Variants in MYRFL observed in about 807,000 individuals in gnomAD.
The protein encoded by MYRFL is myelin regulatory factor like.
Under a neutral mutation model 109.4 loss-of-function variants are expected in MYRFL, and 88 were observed. That is an observed-to-expected ratio of 0.80 (90% confidence interval 0.68 to 0.96). The LOEUF is 0.96. Ranked by LOEUF, MYRFL falls within the 40% of genes least tolerant of loss-of-function variation. The pLI, the probability that MYRFL is intolerant of heterozygous loss-of-function variation, is 0.00. For missense variants in MYRFL, 957 were observed against 954.9 expected (o/e 1.00, Z -0.03); for synonymous variants, 324 against 320.9 (o/e 1.01, Z -0.10).
intron 1 of MYRFL, 52 bp downstream of exon 1, chr12:69,825,615 A>C (rs1203206881): frequency 4.3e-6 from 3 of 692,102 alleles, no homozygotes; most frequent in Non-Finnish European, 7.9e-6. Context: ...AATGCTCACT[A>C]TCCCTGTTTC....
At position 69,892,871 on chromosome 12, in the gene MYRFL, T is replaced by C. The variant is rs1566004101; in HGVS notation, c.904-893T>C. Among the ~76,000 whole-genome samples the C allele has an allele frequency of 2.0e-5, 3 of 152,358 alleles. No individual in the cohort carries two copies. The East Asian group carries it at 5.8e-4, about 29-fold the overall frequency. ...CTATTTTTTCTCTTTTCTTCTGTTA[T>C]TAAAATTAATCTCATATTGCTAGTA... On this transcript the variant is annotated intron_variant, in intron 7 of 24. Coordinates refer to ENST00000552032, the MANE Select transcript of MYRFL (RefSeq NM_182530.3).
At chr12:69,934,929 GC>G (rs1399002203) in intron 16 of MYRFL, among the ~76,000 whole-genome samples, 2 of 152,168 alleles carry the variant, frequency 1.3e-5, no homozygotes, top group African/African-American at 4.8e-5. Flanking sequence ...CTCACTCTGG[GC>G]TGTGGGTTTC....
At chr12:69,936,422 C>T in intron 18 of MYRFL, 31 bp from the exon 19 acceptor site, 1 of 1,530,160 alleles carries the variant, frequency 6.5e-7, no homozygotes, top group Non-Finnish European at 8.7e-7. Flanking sequence ...AACCTTCTTG[C>T]TTCCCCTCCC....
At chr12:69,943,294 T>C (rs1426728384) in intron 19 of MYRFL, among the ~76,000 whole-genome samples, 2 of 149,394 alleles carry the variant, frequency 1.3e-5, no homozygotes, top group African/African-American at 2.5e-5. Flanking sequence ...ACTACAAGGC[T>C]ACAGTAACCA....
At chr12:69,890,934 A>G (rs935744183) in intron 6 of MYRFL, 37 bp from the exon 7 acceptor site, 5 of 1,388,404 alleles carry the variant, frequency 3.6e-6, no homozygotes, top group South Asian at 3.5e-5. Flanking sequence ...ATATGGAAAC[A>G]TTTGTAAAAC....
chr12:69,951,040 AAAGTT>A (rs1955960782), intron 19 of MYRFL, among the ~76,000 whole-genome samples: 1 of 152,192 alleles, frequency 6.6e-6, no homozygotes, highest in African/African-American at 2.4e-5. Flanking sequence ...AAATACATGA[AAAGTT>A]AAGTAATAAT....
chr12:69,908,548 C>G (rs1476649870), intron 11 of MYRFL, among the ~76,000 whole-genome samples: 1 of 152,184 alleles, frequency 6.6e-6, no homozygotes, highest in African/African-American at 2.4e-5. Flanking sequence ...AAGCCAAGAT[C>G]TCAGCTGGGC....
chr12:69,889,612 T>C (rs974348713), intron 6 of MYRFL, among the ~76,000 whole-genome samples: 1 of 152,146 alleles, frequency 6.6e-6, no homozygotes, highest in Non-Finnish European at 1.5e-5. Context: ...CCCAGCACTC[T>C]GGGAGGCCAA....
At position 69,958,033 on chromosome 12, in the gene MYRFL, C is replaced by T. The variant is rs1021086137; in HGVS notation, c.2571+91C>T. ...TTCCCTCCCTGGCCAACCCTAGTCA[C>T]AGGGCTTGGCTCAGCCTCTTCCTTG... is the stretch of plus-strand genomic sequence containing the variant. On this transcript the variant is annotated intron_variant, in intron 23 of 24. Transcript: ENST00000552032. The T allele has an allele frequency of 1.6e-5, 23 of 1,461,570 alleles. No individual in the cohort carries two copies. In the Middle Eastern group the frequency reaches 7.2e-4, roughly 46 times the overall value. 90.5% of individuals were successfully genotyped at this position (1,461,570 alleles called of 1,614,324 possible). A position where few individuals can be genotyped will look rare whatever the true frequency, so the allele number is the denominator to read the frequency against.
intron 5 of MYRFL, among the ~76,000 whole-genome samples, chr12:69,885,418 A>G (rs1886386992): frequency 6.6e-6 from 1 of 152,166 alleles, no homozygotes; most frequent in Admixed American, 6.5e-5. Flanking sequence ...AAAAGTTTGA[A>G]GATGAAAAAA....
At chr12:69,923,628 C>T (rs2120435020) in intron 13 of MYRFL, among the ~76,000 whole-genome samples, 1 of 152,050 alleles carries the variant, frequency 6.6e-6, no homozygotes, top group East Asian at 1.9e-4. Flanking sequence ...TAATCCATCA[C>T]TATTATTACT....
chr12:69,904,111 G>A, intron 11 of MYRFL: 1 of 366,768 alleles, frequency 2.7e-6, no homozygotes, highest in Non-Finnish European at 4.9e-6. Context: ...GCAAGTCTCA[G>A]TTATTTTCCA....
At chr12:69,886,619 C>T in intron 5 of MYRFL, among the ~76,000 whole-genome samples, 1 of 152,078 alleles carries the variant, frequency 6.6e-6, no homozygotes, top group Non-Finnish European at 1.5e-5. Context: ...TTACCCCCCA[C>T]CCTTTGACAA....
chr12:69,931,747 T>C (rs1955276872), intron 15 of MYRFL, among the ~76,000 whole-genome samples: 1 of 152,234 alleles, frequency 6.6e-6, no homozygotes, highest in Non-Finnish European at 1.5e-5. Flanking sequence ...AGAAAACTTC[T>C]ATCTCTTCAG....
chr12:69,898,837 C>T (rs971608688), intron 10 of MYRFL, among the ~76,000 whole-genome samples: 3 of 152,148 alleles, frequency 2.0e-5, no homozygotes, highest in Non-Finnish European at 4.4e-5. Flanking sequence ...AGCTGCTGTA[C>T]AAGTCCACAC....
chr12:69,924,944 C>T (rs969126006), intron 13 of MYRFL, among the ~76,000 whole-genome samples: 3 of 152,258 alleles, frequency 2.0e-5, no homozygotes, highest in African/African-American at 7.2e-5. Context: ...TGAGCATTTC[C>T]AGTGGGCAAA....
intron 1 of MYRFL, among the ~76,000 whole-genome samples, chr12:69,846,726 CTGGG>C (rs933990871): frequency 7.9e-5 from 12 of 152,056 alleles, no homozygotes; most frequent in African/African-American, 2.7e-4. Flanking sequence ...AATGGGATGG[CTGGG>C]TCAAATGGTA....
At chr12:69,837,825 A>G (rs1883036570) in intron 1 of MYRFL, among the ~76,000 whole-genome samples, 1 of 152,094 alleles carries the variant, frequency 6.6e-6, no homozygotes. Context: ...AGTACTTTGC[A>G]CTTCACCTTT....
chr12:69,912,001 A>T (rs1437698702), intron 13 of MYRFL, among the ~76,000 whole-genome samples: 12 of 152,210 alleles, frequency 7.9e-5, no homozygotes, highest in African/African-American at 2.9e-4. Flanking sequence ...CTTGCTGGTC[A>T]GAAGCCACAC....
Sources: allele counts gnomAD v4.1 joint callset (sites outside exome capture counted in the v4.1 genomes callset), GRCh38; gene constraint gnomAD v4.1.1; transcripts MANE v1.5; gene names NCBI Gene and HGNC (gene_info 2026-07-23, HGNC 2026-07-21).